TTC29: variants seen among roughly 807,000 people sequenced by gnomAD.
TTC29 encodes tetratricopeptide repeat protein 29.
In TTC29, 49 loss-of-function variants were observed where a neutral mutation model predicts 58.1. The observed-to-expected ratio is 0.84, with a 90% CI of 0.67 to 1.07. TTC29 has a LOEUF of 1.07. TTC29 is among the 50% of genes least tolerant of loss of function. The probability of loss-of-function intolerance (pLI) is 0.00; values close to 1 mark genes in which losing one functional copy is unlikely to be tolerated. For missense variants in TTC29, 582 were observed against 555.6 expected, an observed-to-expected ratio of 1.05 and a Z score of -0.48; for synonymous variants, 209 against 196.8, an observed-to-expected ratio of 1.06 and a Z score of -0.52.
chr4:146,867,598 T>TA lies in TTC29; in HGVS notation c.800-16dup. 5 of 1,310,520 alleles carry TA rather than the reference T, an allele frequency of 3.8e-6. No homozygotes were observed. Among genetic ancestry groups the TA allele is most frequent in the Non-Finnish European group, 4.2e-6 (4 of 958,318 alleles). The allele number at this position is 1,310,520 out of a possible 1,614,324, so 81.2% of individuals were successfully genotyped here. ...TTTGTCACTTCCTGAAGTGAAGATG[T>TA]AAAAAAATTACCAAGTATTCAATAA... On this transcript the variant is annotated splice_polypyrimidine_tract_variant and intron_variant, in intron 7 of 12. Coordinates refer to ENST00000325106, the MANE Select transcript of TTC29 (RefSeq NM_031956.4).
At chr4:146,842,179 T>A (rs1440657238) in intron 8 of TTC29, among the ~76,000 whole-genome samples, 1 of 152,110 alleles carries the variant, frequency 6.6e-6, no homozygotes, top group Admixed American at 6.6e-5. Context: ...ATGTGCATAG[T>A]GTCACTGTTG....
At chr4:146,798,698 T>TAAC (rs1448015287) in intron 11 of TTC29, among the ~76,000 whole-genome samples, 5 of 151,364 alleles carry the variant, frequency 3.3e-5, no homozygotes, top group African/African-American at 1.2e-4. Context: ...CCATCCTGGG[T>TAAC]AACACAGTGA....
intron 4 of TTC29, among the ~76,000 whole-genome samples, chr4:146,922,155 G>C (rs185986962): frequency 6.6e-6 from 1 of 150,750 alleles, no homozygotes; most frequent in African/African-American, 2.4e-5. Context: ...GAAAGAAGAA[G>C]TTATCACCGT....
At chr4:146,944,305 G>A (rs1431449382) in intron 2 of TTC29, 1 of 152,148 alleles carries the variant, frequency 6.6e-6, no homozygotes, top group Non-Finnish European at 1.5e-5. Flanking sequence ...TTGATCTGCT[G>A]GTTGGCTCTT....
chr4:146,912,105 TA>T (rs57636998), intron 4 of TTC29, among the ~76,000 whole-genome samples: 11,592 of 150,006 alleles, frequency 0.077, 1,471 homozygotes, highest in African/African-American at 0.26. Flanking sequence ...GCTGATAAGC[TA>T]AAAAAAAAAT....
intron 11 of TTC29, among the ~76,000 whole-genome samples, chr4:146,785,061 ATGTT>A (rs949833212): frequency 2.6e-5 from 4 of 152,098 alleles, no homozygotes; most frequent in African/African-American, 9.7e-5. Context: ...GCATTGCTGC[ATGTT>A]TGTTTGATAG....
chr4:146,934,902 G>A (rs1735656739), intron 4 of TTC29, among the ~76,000 whole-genome samples: 1 of 152,092 alleles, frequency 6.6e-6, no homozygotes, highest in Non-Finnish European at 1.5e-5. Flanking sequence ...AAGTATGGGG[G>A]CTGGAAACCT....
chr4:146,869,108 A>C (rs909095722), intron 7 of TTC29, among the ~76,000 whole-genome samples: 3 of 151,782 alleles, frequency 2.0e-5, no homozygotes, highest in Admixed American at 6.6e-5. Flanking sequence ...AAAAAAAAAA[A>C]AAAAAAAAAA....
At chr4:146,742,262 G>A (rs886745061) in intron 11 of TTC29, among the ~76,000 whole-genome samples, 2 of 152,106 alleles carry the variant, frequency 1.3e-5, no homozygotes, top group South Asian at 2.1e-4. Flanking sequence ...TCCAGCTTAT[G>A]AGCAGGTGCA....
chr4:146,780,982 G>C (rs1748551335), intron 11 of TTC29, among the ~76,000 whole-genome samples: 1 of 151,942 alleles, frequency 6.6e-6, no homozygotes, highest in South Asian at 2.1e-4. Context: ...ATAAATTTCA[G>C]TTTGCTAGTT....
At chr4:146,819,962 T>C (rs932587490) in intron 10 of TTC29, among the ~76,000 whole-genome samples, 163 bp downstream of exon 10, 1 of 152,178 alleles carries the variant, frequency 6.6e-6, no homozygotes, top group African/African-American at 2.4e-5. Context: ...GCATTTCTCC[T>C]ACTAGTCCTT....
At chr4:146,930,100 T>TATATACAC (rs1553942370) in intron 4 of TTC29, among the ~76,000 whole-genome samples, 6,479 of 129,456 alleles carry the variant, frequency 0.05, 657 homozygotes, top group African/African-American at 0.18. Context: ...TATATATATA[T>TATATACAC]ATATATATAT....
At chr4:146,763,087 C>A (rs1477191897) in intron 11 of TTC29, among the ~76,000 whole-genome samples, 1 of 151,956 alleles carries the variant, frequency 6.6e-6, no homozygotes, top group Non-Finnish European at 1.5e-5. Context: ...ACTTCTCTCA[C>A]CTCTCTTTAT....
At chr4:146,728,849 A>ATATATACT (rs1267339124) in intron 11 of TTC29, among the ~76,000 whole-genome samples, 3 of 54,378 alleles carry the variant, frequency 5.5e-5, no homozygotes, top group Non-Finnish European at 1.2e-4. Flanking sequence ...ATATATATGT[A>ATATATACT]TATATATACA....
chr4:146,752,844 G>A (rs1379995811), intron 11 of TTC29, among the ~76,000 whole-genome samples: 1 of 152,152 alleles, frequency 6.6e-6, no homozygotes, highest in Non-Finnish European at 1.5e-5. Context: ...AAACTGGCTA[G>A]CCATACGTAG....
intron 10 of TTC29, among the ~76,000 whole-genome samples, chr4:146,804,803 G>A (rs1048472778): frequency 5.3e-5 from 8 of 152,314 alleles, no homozygotes; most frequent in South Asian, 4.1e-4. Flanking sequence ...GGCTGTGGGC[G>A]CAGCTTCAGC....
chr4:146,798,434 G>T (rs1310591239), intron 11 of TTC29, among the ~76,000 whole-genome samples: 3 of 151,924 alleles, frequency 2.0e-5, no homozygotes, highest in East Asian at 3.8e-4. Context: ...TCTAGCAGAA[G>T]GATCAAATAC....
intron 4 of TTC29, among the ~76,000 whole-genome samples, chr4:146,910,658 C>T (rs938341083): frequency 4.6e-5 from 7 of 152,070 alleles, no homozygotes; most frequent in African/African-American, 1.4e-4. Flanking sequence ...ACTGACATGA[C>T]GAGACTGCAT....
intron 4 of TTC29, among the ~76,000 whole-genome samples, chr4:146,937,293 G>A (rs548169010): frequency 1.3e-5 from 2 of 151,806 alleles, no homozygotes; most frequent in Non-Finnish European, 2.9e-5. Flanking sequence ...CTTTCCCATG[G>A]AGACAACACA....
Sources: allele counts gnomAD v4.1 joint callset (sites outside exome capture counted in the v4.1 genomes callset), GRCh38; gene constraint gnomAD v4.1.1; transcripts MANE v1.5; gene names NCBI Gene and HGNC (gene_info 2026-07-23, HGNC 2026-07-21).